Variants in INPP5A observed in about 807,000 individuals in gnomAD.
The protein encoded by INPP5A is inositol polyphosphate-5-phosphatase A.
A neutral mutation model predicts 65.2 loss-of-function variants in INPP5A; 14 were observed. The observed-to-expected ratio is 0.21, with a 90% CI of 0.14 to 0.34. The LOEUF (loss-of-function observed/expected upper bound fraction) is 0.34. INPP5A is among the 10% of genes least tolerant of loss of function. INPP5A has a pLI of 1.00. For missense variants in INPP5A, 431 were observed against 545.6 expected (o/e 0.79, Z 2.09); for synonymous variants, 207 against 208.3 (o/e 0.99, Z 0.05).
At position 132,782,961 on chromosome 10, in the gene INPP5A, C is replaced by T. The variant is rs560199209; in HGVS notation, c.*932C>T. 1 of 152,500 alleles carries T rather than the reference C, an allele frequency of 6.6e-6. No homozygotes were observed. The highest frequency in any genetic ancestry group is 2.4e-5 in the African/African-American group (1 of 41,566). The allele number at this position is 152,500 out of a possible 1,614,324, so 9.4% of individuals were successfully genotyped here. A position where few individuals can be genotyped will look rare whatever the true frequency, so the allele number is the denominator to read the frequency against. Reference sequence around the variant, plus strand: ...GTTACTGTTTTATGGTGCCAAGTATCCTACGTTACAACAATAATATCATGG... The same window carrying T: ...GTTACTGTTTTATGGTGCCAAGTATTCTACGTTACAACAATAATATCATGG... On this transcript the variant is annotated 3_prime_UTR_variant, in exon 16 of 16. Coordinates refer to ENST00000368594, the MANE Select transcript of INPP5A (RefSeq NM_005539.5). This position sits in a 1 kb window ranked among gnomAD's most constrained non-coding sequence, Gnocchi z 4.4.
rs539817863 is a variant in INPP5A at position 132,689,269 on chromosome 10, C to T, written c.307-1123C>T. Among the ~76,000 whole-genome samples, 9 of 152,240 alleles carry T rather than the reference C, an allele frequency of 5.9e-5. No individual in the cohort carries two copies. In the South Asian group the frequency reaches 1.9e-3, roughly 32 times the overall value. On this transcript the variant is annotated intron_variant, in intron 4 of 15. Coordinates refer to ENST00000368594, the MANE Select transcript of INPP5A (RefSeq NM_005539.5). ...TCAGAGTCTCTTCCCTGTGGAAGGC[C>T]CTGTGTGACCTGGTAACGGTTGGGC... is the stretch of plus-strand genomic sequence containing the variant.
At chr10:132,614,763 G>T (rs189505028) in intron 2 of INPP5A, among the ~76,000 whole-genome samples, 17 of 152,360 alleles carry the variant, frequency 1.1e-4, no homozygotes, top group Middle Eastern at 3.4e-3. Context: ...CGATGAGATC[G>T]CAAGGAGAGG....
chr10:132,707,353 G>T lies in INPP5A; in HGVS notation c.475-960G>T, dbSNP rs372556481. 3.0e-5 allele frequency among the ~76,000 whole-genome samples: 4 copies of T among 134,874 alleles called. No individual in the cohort carries two copies. Among genetic ancestry groups the T allele is most frequent in the Non-Finnish European group, 6.6e-5 (4 of 60,288 alleles). 88.5% of individuals were successfully genotyped at this position (134,874 alleles called of 152,430 possible). ...CCGTTCCCCCGCCACTGCCTGAAGC[G>T]CTTTGCTTTGTGGACCTTGGACTTG... is the stretch of plus-strand genomic sequence containing the variant. On this transcript the variant is annotated intron_variant, in intron 6 of 15. Coordinates refer to ENST00000368594, the MANE Select transcript of INPP5A (RefSeq NM_005539.5). This position sits in a 1 kb window ranked among gnomAD's most constrained non-coding sequence, Gnocchi z 5.5.
chr10:132,670,887 T>C (rs1011069898), intron 4 of INPP5A, among the ~76,000 whole-genome samples: 1 of 148,710 alleles, frequency 6.7e-6, no homozygotes, highest in Non-Finnish European at 1.5e-5. Flanking sequence ...TGGATATTCA[T>C]GTGGTCAGGA....
intron 1 of INPP5A, among the ~76,000 whole-genome samples, chr10:132,579,547 T>C (rs1219048964): frequency 6.6e-6 from 1 of 152,146 alleles, no homozygotes; most frequent in Non-Finnish European, 1.5e-5. Flanking sequence ...TGATGCTTGC[T>C]GTGGGCCAGG....
At chr10:132,633,810 T>C (rs2072303976) in intron 2 of INPP5A, among the ~76,000 whole-genome samples, 1 of 152,132 alleles carries the variant, frequency 6.6e-6, no homozygotes, top group Non-Finnish European at 1.5e-5. Context: ...TCCTACAGAG[T>C]TAGTTAAACA....
At chr10:132,595,883 A>G (rs2071679855) in intron 1 of INPP5A, among the ~76,000 whole-genome samples, 1 of 146,356 alleles carries the variant, frequency 6.8e-6, no homozygotes, top group Non-Finnish European at 1.5e-5. Flanking sequence ...TCCACATTTG[A>G]AAGTAATGAG....
chr10:132,758,575 G>A (rs1052348141), intron 11 of INPP5A, among the ~76,000 whole-genome samples: 4 of 149,374 alleles, frequency 2.7e-5, no homozygotes, highest in Admixed American at 1.3e-4. Context: ...GTGCAATGTC[G>A]TTGGGTCCCC....
At chr10:132,749,227 G>T (rs907012914) in intron 9 of INPP5A, among the ~76,000 whole-genome samples, 1 of 152,260 alleles carries the variant, frequency 6.6e-6, no homozygotes, top group African/African-American at 2.4e-5. Context: ...GAGCCTGCTG[G>T]TGTCGCACTG....
rs551230401 is a variant in INPP5A at position 132,644,244 on chromosome 10, C to A, written c.118-1624C>A. Among the ~76,000 whole-genome samples the A allele has an allele frequency of 1.2e-4, 18 of 152,328 alleles. No homozygotes were observed. The highest frequency in any genetic ancestry group is 4.3e-4 in the African/African-American group (18 of 41,572). ...CACGCCCACGCCCAGGAGGGAGGGG[C>A]CCACTCGGTGCATCCACGCAGAGGC... is the stretch of plus-strand genomic sequence containing the variant. On this transcript the variant is annotated intron_variant, in intron 2 of 15. Coordinates refer to ENST00000368594, the MANE Select transcript of INPP5A (RefSeq NM_005539.5). The surrounding 1 kb of genome is among the most constrained non-coding windows in gnomAD (Gnocchi z 6.5).
At chr10:132,757,558 C>T (rs1210880538) in intron 11 of INPP5A, among the ~76,000 whole-genome samples, 1 of 152,258 alleles carries the variant, frequency 6.6e-6, no homozygotes, top group Non-Finnish European at 1.5e-5. Flanking sequence ...GCGAAATCGC[C>T]TAAGGGTGCG....
chr10:132,647,104 ATTTTTTTTTTC>A lies in INPP5A; in HGVS notation c.218+1147_218+1157del, dbSNP rs1267759641. On this transcript the variant is annotated intron_variant, in intron 3 of 15. Transcript: ENST00000368594. ...CCCAAAATAATCTGTAATTTAAGGC[ATTTTTTTTTTC>A]TTTTTTTTTTTTTGTTTTGAGACGG... 4.1e-5 allele frequency among the ~76,000 whole-genome samples: 6 copies of A among 145,978 alleles called. No individual in the cohort carries two copies. The South Asian group carries it at 1.3e-3, about 32-fold the overall frequency.
intron 12 of INPP5A, among the ~76,000 whole-genome samples, chr10:132,766,651 G>A (rs988707592): frequency 1.3e-5 from 2 of 152,106 alleles, no homozygotes; most frequent in Non-Finnish European, 2.9e-5. Context: ...TAGGGCTCAT[G>A]CATGTGGCTG....
At chr10:132,543,259 C>CCTG (rs2070929199) in intron 1 of INPP5A, among the ~76,000 whole-genome samples, 1 of 152,166 alleles carries the variant, frequency 6.6e-6, no homozygotes, top group Non-Finnish European at 1.5e-5. Context: ...CTCCCCACCC[C>CCTG]CTGCAGTCAG....
At chr10:132,776,753 G>C (rs12781152) in intron 12 of INPP5A, among the ~76,000 whole-genome samples, 28,605 of 152,176 alleles carry the variant, frequency 0.19, 3,251 homozygotes, top group Non-Finnish European at 0.26. Context: ...CTGATGGGTG[G>C]GTCGGGCCCC....
intron 4 of INPP5A, among the ~76,000 whole-genome samples, chr10:132,688,904 A>G (rs1845202946): frequency 6.6e-6 from 1 of 150,734 alleles, no homozygotes; most frequent in African/African-American, 2.4e-5. Context: ...GAGAGCAAGC[A>G]CGTGAGTGTG....
rs2072797086 is a variant in INPP5A at position 132,666,047 on chromosome 10, C to A, written c.306+15542C>A. Among the ~76,000 whole-genome samples the A allele has an allele frequency of 2.9e-5, 3 of 102,264 alleles. No homozygotes were observed. The Admixed American group carries it at 3.5e-4, about 12-fold the overall frequency. The allele number at this position is 102,264 out of a possible 152,430, so 67.1% of individuals were successfully genotyped here. A position where few individuals can be genotyped will look rare whatever the true frequency, so the allele number is the denominator to read the frequency against. The stretch of plus-strand genomic sequence containing the variant: ...TGCAGCCTGGGCAACAGAGCAAGAT[C>A]CTGTCTCAAAAAAAAAAAAAAAAGA... On this transcript the variant is annotated intron_variant, in intron 4 of 15. Transcript: ENST00000368594.
Position 132,762,443 on chromosome 10 carries a change from C to A in INPP5A, c.904-3330C>A, listed in dbSNP as rs189047742. Among the ~76,000 whole-genome samples, 1 of 152,080 alleles carries A rather than the reference C, an allele frequency of 6.6e-6. No homozygotes were observed. The highest frequency in any genetic ancestry group is 1.5e-5 in the Non-Finnish European group (1 of 68,022). On this transcript the variant is annotated intron_variant, in intron 11 of 15. Coordinates refer to ENST00000368594, the MANE Select transcript of INPP5A (RefSeq NM_005539.5). The surrounding 1 kb of genome is among the most constrained non-coding windows in gnomAD (Gnocchi z 4.6). ...AAATACACACCAGGAGAAGTGGAGG[C>A]GTTCAGTCAAAGAGCTGGTGGAAAA... is the stretch of plus-strand genomic sequence containing the variant.
chr10:132,751,483 C>T (rs1846475799), intron 11 of INPP5A, among the ~76,000 whole-genome samples: 1 of 152,254 alleles, frequency 6.6e-6, no homozygotes, highest in African/African-American at 2.4e-5. Context: ...TCCCGCTGCC[C>T]CTCTCTGGCT....
Sources: gnomAD v4.1 joint callset for allele counts (sites outside exome capture counted in the v4.1 genomes callset) on GRCh38, gnomAD v4.1.1 for gene constraint, Gnocchi (gnomAD v3.1) non-coding constraint, MANE v1.5 for transcripts, NCBI Gene and HGNC (gene_info 2026-07-23, HGNC 2026-07-21) for gene names.